The following PPM1L variants were observed in gnomAD, a reference collection of about 807,000 sequenced individuals.
PPM1L encodes the protein protein phosphatase 1L.
A neutral mutation model predicts 31.4 loss-of-function variants in PPM1L; 13 were observed. That is an observed-to-expected ratio of 0.41 (90% CI 0.27 to 0.66). The LOEUF is 0.66. Among genes scored for constraint, PPM1L ranks in the 30% least tolerant of loss-of-function variants. PPM1L has a pLI of 0.29. For missense variants in PPM1L, 326 were observed against 453.7 expected, an observed-to-expected ratio of 0.72 and a Z score of 2.56; for synonymous variants, 184 against 175.4, an observed-to-expected ratio of 1.05 and a Z score of -0.39.
chr3:160,907,741 T>G (rs914444002), intron 1 of PPM1L, among the ~76,000 whole-genome samples: 1 of 152,138 alleles, frequency 6.6e-6, no homozygotes, highest in Non-Finnish European at 1.5e-5. Flanking sequence ...ACCCCAAGCA[T>G]GTAAGGGCAA....
At chr3:160,925,499 T>C (rs930891616) in intron 1 of PPM1L, among the ~76,000 whole-genome samples, 1 of 152,200 alleles carries the variant, frequency 6.6e-6, no homozygotes, top group Non-Finnish European at 1.5e-5. Context: ...GTCTTGGATT[T>C]TTACACTAGT....
chr3:160,870,402 T>A (rs575760410), intron 1 of PPM1L, among the ~76,000 whole-genome samples: 53 of 152,332 alleles, frequency 3.5e-4, no homozygotes, highest in Admixed American at 7.8e-4. Context: ...AAAATAATTT[T>A]AAATACTTTA....
chr3:160,924,654 T>C (rs1011869725), intron 1 of PPM1L, among the ~76,000 whole-genome samples: 1 of 152,224 alleles, frequency 6.6e-6, no homozygotes, highest in African/African-American at 2.4e-5. Context: ...AAACATTTGC[T>C]ATTTCAAGGC....
chr3:161,018,499 C>G (rs1004322672), intron 2 of PPM1L, among the ~76,000 whole-genome samples: 4 of 151,916 alleles, frequency 2.6e-5, no homozygotes, highest in Admixed American at 2.6e-4. Context: ...GTTTAAGATA[C>G]TATAAACTAC....
intron 1 of PPM1L, among the ~76,000 whole-genome samples, chr3:160,869,979 C>T (rs1161571936): frequency 6.6e-6 from 1 of 152,168 alleles, no homozygotes; most frequent in African/African-American, 2.4e-5. Context: ...TCTTGTCCAG[C>T]TGCCACTGTT....
At position 160,800,246 on chromosome 3, in the gene PPM1L, G is replaced by A. The variant is rs1293080954; in HGVS notation, c.399+43539G>A. On this transcript the variant is annotated intron_variant, in intron 1 of 3. Coordinates refer to ENST00000498165, the MANE Select transcript of PPM1L (RefSeq NM_139245.4). ...TTCTGAGGCTTTTTTCCTTTAGACA[G>A]TTTTAATTTTAGAGAACTTTTAATT... 3.9e-5 allele frequency among the ~76,000 whole-genome samples: 6 copies of A among 152,166 alleles called. No homozygotes were observed. The East Asian group carries it at 9.7e-4, about 25-fold the overall frequency.
intron 1 of PPM1L, among the ~76,000 whole-genome samples, chr3:160,954,915 C>T (rs1231212757): frequency 7.9e-6 from 1 of 126,086 alleles, no homozygotes; most frequent in East Asian, 2.4e-4. Flanking sequence ...TTCCTTCCTT[C>T]CTTCCTTCTT....
At chr3:160,898,713 A>T (rs903419225) in intron 1 of PPM1L, among the ~76,000 whole-genome samples, 31 of 152,290 alleles carry the variant, frequency 2.0e-4, no homozygotes, top group African/African-American at 7.5e-4. Flanking sequence ...TTCAGCAGAC[A>T]TTCATGAAGA....
chr3:160,920,510 T>C (rs1714350139), intron 1 of PPM1L, among the ~76,000 whole-genome samples: 1 of 151,960 alleles, frequency 6.6e-6, no homozygotes, highest in Non-Finnish European at 1.5e-5. Flanking sequence ...CGGTGTATGG[T>C]CTCCCATCTA....
chr3:160,845,556 A>G (rs913745103), intron 1 of PPM1L, among the ~76,000 whole-genome samples: 24 of 152,006 alleles, frequency 1.6e-4, no homozygotes, highest in African/African-American at 5.3e-4. Flanking sequence ...GTGCTGTTGT[A>G]TCTAAGAATC....
At chr3:160,970,787 A>ATTTTTTTTTTTTTTTTTTTTTT (rs71628437) in intron 2 of PPM1L, among the ~76,000 whole-genome samples, 2 of 97,192 alleles carry the variant, frequency 2.1e-5, no homozygotes, top group African/African-American at 9.0e-5. Context: ...TTCAGTTATA[A>ATTTTTTTTTTTTTTTTTTTTTT]TTTTTTTTTT....
chr3:160,951,087 C>G (rs970119698), intron 1 of PPM1L, among the ~76,000 whole-genome samples: 1 of 152,186 alleles, frequency 6.6e-6, no homozygotes, highest in African/African-American at 2.4e-5. Context: ...CTTTCTGTAA[C>G]TGCAGAAAAG....
chr3:160,927,161 A>G (rs1473280906), intron 1 of PPM1L, among the ~76,000 whole-genome samples: 3 of 152,230 alleles, frequency 2.0e-5, no homozygotes, highest in Non-Finnish European at 4.4e-5. Context: ...TGACTTAAAG[A>G]TAGAAAACCC....
rs745678338 is a variant in PPM1L, at chr3:160,939,339, G to A, written c.400-22397G>A. Among the ~76,000 whole-genome samples, 32 of 152,128 alleles carry A rather than the reference G, an allele frequency of 2.1e-4. 1 individual carries two copies. Among genetic ancestry groups the A allele is most frequent in the Admixed American group, 4.6e-4 (7 of 15,278 alleles). On this transcript the variant is annotated intron_variant, in intron 1 of 3. Coordinates refer to ENST00000498165, the MANE Select transcript of PPM1L (RefSeq NM_139245.4). ...TTTCATGCCTTTATGTCTTTATATA[G>A]AATGTACTCTCCACCTGGATTGCTA...
At chr3:160,869,190 T>A (rs1475155468) in intron 1 of PPM1L, among the ~76,000 whole-genome samples, 2 of 152,264 alleles carry the variant, frequency 1.3e-5, no homozygotes, top group Non-Finnish European at 2.9e-5. Flanking sequence ...AATCTAGAAG[T>A]ACAATGCCTG....
intron 1 of PPM1L, among the ~76,000 whole-genome samples, chr3:160,947,705 T>C (rs1262207220): frequency 6.6e-6 from 1 of 152,168 alleles, no homozygotes; most frequent in Non-Finnish European, 1.5e-5. Context: ...GTGGGAAGAT[T>C]CATGGGTAGT....
At position 161,003,154 on chromosome 3, in the gene PPM1L, G is replaced by T. The variant is rs1191221230; in HGVS notation, c.574+41244G>T. 1.1e-4 allele frequency among the ~76,000 whole-genome samples: 16 copies of T among 151,532 alleles called. No individual in the cohort carries two copies. The South Asian group carries it at 1.7e-3, about 16-fold the overall frequency. On this transcript the variant is annotated intron_variant, in intron 2 of 3. Transcript: ENST00000498165. ...GTCAAAGATCAGATAGTTGTAGATAGGTGGCGTTATTTCTGAGGGCTCTGT... is the reference window on the plus strand; with the variant it reads ...GTCAAAGATCAGATAGTTGTAGATATGTGGCGTTATTTCTGAGGGCTCTGT...
chr3:160,897,988 T>G (rs1043136123), intron 1 of PPM1L, among the ~76,000 whole-genome samples: 12 of 152,326 alleles, frequency 7.9e-5, no homozygotes, highest in African/African-American at 2.9e-4. Context: ...ATATATGGCA[T>G]GTACCCTTAA....
intron 2 of PPM1L, among the ~76,000 whole-genome samples, chr3:160,980,734 A>C (rs552824999): frequency 7.7e-5 from 11 of 142,168 alleles, no homozygotes; most frequent in Non-Finnish European, 1.7e-4. Context: ...GAGAGAGAAA[A>C]AGAAAGAGAA....
Sources: allele counts gnomAD v4.1 joint callset (sites outside exome capture counted in the v4.1 genomes callset), GRCh38; gene constraint gnomAD v4.1.1; transcripts MANE v1.5; gene names NCBI Gene and HGNC (gene_info 2026-07-23, HGNC 2026-07-21).